The following GALNS variants were observed in gnomAD, a reference collection of about 807,000 sequenced individuals.
GALNS encodes the protein galactosamine (N-acetyl)-6-sulfatase, also known as N-acetylgalactosamine-6-sulfatase.
GALNS carries 65 observed loss-of-function variants against 65.9 expected under a neutral mutation model. That is an observed-to-expected ratio of 0.99 (90% CI 0.81 to 1.21). The LOEUF (loss-of-function observed/expected upper bound fraction) is 1.21. Ranked by LOEUF, GALNS falls within the 50% of genes most tolerant of loss-of-function variation. The probability of loss-of-function intolerance (pLI) is 0.00; values close to 1 mark genes in which losing one functional copy is unlikely to be tolerated. For missense variants in GALNS, 776 were observed against 700.7 expected (o/e 1.11, Z -1.21); for synonymous variants, 346 against 288.9 (o/e 1.20, Z -2.00).
intron 1 of GALNS, among the ~76,000 whole-genome samples, chr16:88,848,864 T>C (rs1967376785): frequency 6.6e-6 from 1 of 152,196 alleles, no homozygotes; most frequent in African/African-American, 2.4e-5. Flanking sequence ...CGTGGGTGGC[T>C]GGACATCCAG....
At chr16:88,828,186 C>T (rs996764727) in intron 9 of GALNS, among the ~76,000 whole-genome samples, 2 of 152,088 alleles carry the variant, frequency 1.3e-5, no homozygotes, top group African/African-American at 2.4e-5. Context: ...CTTCCCGTGT[C>T]CTTTAAAGGA....
rs1191237598 is a variant in GALNS at position 88,835,891 on chromosome 16, ACCT to A, written c.634-45_634-43del. On this transcript the variant is annotated intron_variant, in intron 6 of 13. Coordinates refer to ENST00000268695, the MANE Select transcript of GALNS (RefSeq NM_000512.5). Reference sequence around the variant, plus strand: ...ACCGTCGTCCTCCAGCCTCAGGCCGACCTCCTCATGCCTCCCACGGTCCCCGTC... The same window carrying A: ...ACCGTCGTCCTCCAGCCTCAGGCCGACCTCATGCCTCCCACGGTCCCCGTC... The A allele has an allele frequency of 5.6e-6, 9 of 1,612,390 alleles. No individual in the cohort carries two copies. In the East Asian group the frequency reaches 1.6e-4, roughly 28 times the overall value.
At chr16:88,820,551 G>C (rs1420786452) in intron 12 of GALNS, among the ~76,000 whole-genome samples, 2 of 152,238 alleles carry the variant, frequency 1.3e-5, no homozygotes, top group Non-Finnish European at 2.9e-5. Context: ...GTTCTCAAAG[G>C]CATGGCCGAC....
intron 12 of GALNS, among the ~76,000 whole-genome samples, chr16:88,821,776 G>A (rs1409124316): frequency 2.6e-5 from 4 of 152,164 alleles, no homozygotes; most frequent in African/African-American, 9.7e-5. Flanking sequence ...GGGAGCAACC[G>A]CTGTGCTCAG....
At chr16:88,822,855 G>C (rs1365648516) in intron 11 of GALNS, 145 bp from the exon 12 acceptor site, 2 of 1,264,862 alleles carry the variant, frequency 1.6e-6, no homozygotes, top group African/African-American at 1.5e-5. Flanking sequence ...TGGGGGCCGT[G>C]GGGGGGTCTC....
At chr16:88,850,673 G>A (rs1189098208) in intron 1 of GALNS, among the ~76,000 whole-genome samples, 6 of 152,170 alleles carry the variant, frequency 3.9e-5, no homozygotes, top group South Asian at 2.1e-4. Flanking sequence ...GGGCGGGGCC[G>A]GGGAGACCAG....
intron 1 of GALNS, chr16:88,856,136 C>T (rs775100492): frequency 1.4e-5 from 10 of 701,842 alleles, no homozygotes; most frequent in Middle Eastern, 4.6e-4. Flanking sequence ...TGGCTGTGAC[C>T]CCTGACCCCG....
intron 11 of GALNS, among the ~76,000 whole-genome samples, chr16:88,824,553 G>A (rs1289502275): frequency 1.3e-5 from 2 of 152,106 alleles, no homozygotes; most frequent in Admixed American, 6.5e-5. Context: ...GTCATCACGC[G>A]GGGCAGGAAG....
Position 88,837,785 on chromosome 16 carries a change from A to G in GALNS, c.423-20T>C, listed in dbSNP as rs772009962. The G allele has an allele frequency of 1.2e-6, 2 of 1,613,620 alleles. No homozygotes were observed. The highest frequency in any genetic ancestry group is 2.2e-5 in the South Asian group (2 of 91,088). ...AGATGCCTGGAAACAGGAACCCAGG[A>G]CACTTCAGGGACCCCACGTGGGGAC... On this transcript the variant is annotated intron_variant, in intron 4 of 13. Transcript: ENST00000268695.
intron 13 of GALNS, chr16:88,816,778 C>T (rs1909672362): frequency 1.0e-6 from 1 of 985,366 alleles, no homozygotes; most frequent in Admixed American, 6.1e-5. Flanking sequence ...GGGTCTGGCC[C>T]TGGAAAGAGG....
rs8054994 is a variant in GALNS at position 88,840,875 on chromosome 16, G to T, written c.422+117C>A. The T allele has an allele frequency of 0.34, 274,586 of 816,972 alleles. 51,735 individuals carry two copies. The highest frequency in any genetic ancestry group is 0.64 in the East Asian group (25,286 of 39,386). 50.6% of individuals were successfully genotyped at this position (816,972 alleles called of 1,614,324 possible). A position where few individuals can be genotyped will look rare whatever the true frequency, so the allele number is the denominator to read the frequency against. On this transcript the variant is annotated intron_variant, in intron 4 of 13. Transcript: ENST00000268695. ...CACCTGAACACACCCAGAATCAGCTGCCGTTTCCCACCCAAGACACCCTCC... is the reference window on the plus strand; with the variant it reads ...CACCTGAACACACCCAGAATCAGCTTCCGTTTCCCACCCAAGACACCCTCC...
chr16:88,833,038 A>T (rs1911674209), intron 8 of GALNS, among the ~76,000 whole-genome samples: 1 of 142,112 alleles, frequency 7.0e-6, no homozygotes, highest in South Asian at 2.2e-4. Flanking sequence ...AGATCGCGCC[A>T]CTGCACTCCA....
chr16:88,847,409 A>C (rs1967299421), intron 1 of GALNS, among the ~76,000 whole-genome samples: 2 of 152,106 alleles, frequency 1.3e-5, no homozygotes, highest in African/African-American at 4.8e-5. Context: ...CTTTTCTCCA[A>C]ATTCACCCCA....
intron 12 of GALNS, among the ~76,000 whole-genome samples, chr16:88,819,039 G>A (rs1909930351): frequency 6.6e-6 from 1 of 152,222 alleles, no homozygotes; most frequent in Non-Finnish European, 1.5e-5. Context: ...AGTACCTTCT[G>A]GGAGGTGAGC....
rs563378296 is a variant in GALNS at position 88,817,699 on chromosome 16, C to T, written c.1482+308G>A. Among the ~76,000 whole-genome samples, 76 of 152,312 alleles carry T rather than the reference C, an allele frequency of 5.0e-4. 1 individual carries two copies. Among genetic ancestry groups the T allele is most frequent in the African/African-American group, 1.8e-3 (75 of 41,564 alleles). The stretch of plus-strand genomic sequence containing the variant: ...CACGCGCCCTGCTGTCCCTCAGTGA[C>T]TTGTGGGGGGCAGGAGAGGGGCCTT... On this transcript the variant is annotated intron_variant, in intron 13 of 13. Transcript: ENST00000268695.
At chr16:88,855,202 T>C (rs1317014850) in intron 1 of GALNS, 2 of 689,196 alleles carry the variant, frequency 2.9e-6, no homozygotes, top group East Asian at 2.7e-5. Context: ...ACATAAAAAA[T>C]TATTCATGAG....
intron 10 of GALNS, 29 bp downstream of exon 10, chr16:88,826,673 G>T: frequency 6.2e-7 from 1 of 1,604,192 alleles, no homozygotes; most frequent in Non-Finnish European, 8.5e-7. Context: ...TGGATCGGGG[G>T]AAGGGGCCGG....
chr16:88,845,273 C>G (rs1482042213), intron 1 of GALNS: 2 of 152,258 alleles, frequency 1.3e-5, no homozygotes, highest in Admixed American at 1.3e-4. Context: ...ATCGCTTGAA[C>G]CTGGGAGGCG....
intron 1 of GALNS, chr16:88,843,249 A>G: frequency 7.8e-7 from 1 of 1,278,240 alleles, no homozygotes; most frequent in Non-Finnish European, 1.0e-6. Flanking sequence ...ACACGTCTAG[A>G]TTTCAAAGTC....
Sources: allele counts gnomAD v4.1 joint callset (sites outside exome capture counted in the v4.1 genomes callset), GRCh38; gene constraint gnomAD v4.1.1; transcripts MANE v1.5; gene names NCBI Gene and HGNC (gene_info 2026-07-23, HGNC 2026-07-21).